The following GPHN variants were observed in gnomAD, a reference collection of about 807,000 sequenced individuals.
GPHN encodes gephyrin.
In GPHN, 17 loss-of-function variants were observed where a neutral mutation model predicts 95.5. That is an observed-to-expected ratio of 0.18 (90% confidence interval 0.12 to 0.27). The LOEUF is 0.27. Ranked by LOEUF, GPHN falls within the 10% of genes least tolerant of loss-of-function variation. The pLI, the probability that GPHN is intolerant of heterozygous loss-of-function variation, is 1.00. For synonymous variants in GPHN, 320 were observed against 322.5 expected (o/e 0.99, Z 0.08); for missense variants, 660 against 978.1 (o/e 0.67, Z 4.34).
At chr14:66,746,579 C>T (rs888716164) in intron 2 of GPHN, among the ~76,000 whole-genome samples, 13 of 150,184 alleles carry the variant, frequency 8.7e-5, no homozygotes, top group African/African-American at 3.0e-4. Context: ...ATGGGCAGAT[C>T]CAGGGTGAGT....
At chr14:66,711,590 T>C (rs1024611522) in intron 2 of GPHN, among the ~76,000 whole-genome samples, 4 of 148,590 alleles carry the variant, frequency 2.7e-5, no homozygotes, top group African/African-American at 1.0e-4. Flanking sequence ...GGTAGTTCTT[T>C]TTTTTTTTTT....
chr14:67,424,233 ACT>A, the GPHN span, among the ~76,000 whole-genome samples: 2 of 151,628 alleles, frequency 1.3e-5, no homozygotes, highest in African/African-American at 4.9e-5. Flanking sequence ...AGAGCAAAAA[ACT>A]CTGTCTCAAA....
chr14:67,632,706 T>C, the GPHN span, among the ~76,000 whole-genome samples: 4 of 151,784 alleles, frequency 2.6e-5, no homozygotes, highest in East Asian at 1.9e-4. Flanking sequence ...TTAGTCATTA[T>C]GAAGATTCAC....
chr14:67,161,516 T>G (rs1484787495), intron 19 of GPHN, among the ~76,000 whole-genome samples: 1 of 152,002 alleles, frequency 6.6e-6, no homozygotes, highest in Non-Finnish European at 1.5e-5. Flanking sequence ...AATCCCAGCA[T>G]TTTGGGAGGC....
chr14:67,342,723 A>G, the GPHN span, among the ~76,000 whole-genome samples: 1 of 150,832 alleles, frequency 6.6e-6, no homozygotes, highest in African/African-American at 2.4e-5. Context: ...TAGTTAATAT[A>G]TCATATTATA....
chr14:67,435,881 A>G, the GPHN span, among the ~76,000 whole-genome samples: 3 of 152,206 alleles, frequency 2.0e-5, no homozygotes, highest in African/African-American at 7.2e-5. Context: ...TTCACTGACC[A>G]CACATTTTTG....
chr14:67,164,584 C>G lies in GPHN; in HGVS notation c.1911-578C>G, dbSNP rs952099848. On this transcript the variant is annotated intron_variant, in intron 19 of 22. Coordinates refer to ENST00000478722, the MANE Select transcript of GPHN (RefSeq NM_020806.5). Reference sequence around the variant, plus strand: ...TCAGCTCACTGCAACCTCTGCCTCCCAGGTTCAAGCGATTCTCCTGCCTCA... The same window carrying G: ...TCAGCTCACTGCAACCTCTGCCTCCGAGGTTCAAGCGATTCTCCTGCCTCA... 2.6e-5 allele frequency among the ~76,000 whole-genome samples: 4 copies of G among 151,932 alleles called. No homozygotes were observed. In the East Asian group the frequency reaches 7.8e-4, roughly 30 times the overall value.
chr14:66,834,898 G>C (rs2061731565), intron 4 of GPHN, among the ~76,000 whole-genome samples: 1 of 141,474 alleles, frequency 7.1e-6, no homozygotes, highest in Admixed American at 7.1e-5. Flanking sequence ...ACTCTTTTTG[G>C]TTGGTAAGCT....
At chr14:66,923,021 C>G (rs1006725621) in intron 7 of GPHN, 83 bp downstream of exon 7, 6 of 1,170,504 alleles carry the variant, frequency 5.1e-6, no homozygotes, top group Non-Finnish European at 7.6e-6. Context: ...TCGCATCCCT[C>G]CCTACATTTA....
chr14:67,651,158 G>C, the GPHN span: 1 of 963,710 alleles, frequency 1.0e-6, no homozygotes, highest in Non-Finnish European at 1.5e-6. Context: ...ATTTAAAGAA[G>C]TCATAAACAG....
chr14:67,729,326 G>C, the GPHN span: 25 of 1,599,554 alleles, frequency 1.6e-5, no homozygotes, highest in Non-Finnish European at 1.9e-5. Context: ...GCGCAGACCA[G>C]CCTGCACTGC....
rs750809889 is a variant in GPHN at position 67,122,268 on chromosome 14, G to C, written c.1639G>C (p.Glu547Gln). The change falls in exon 17 of 23, where the codon GAA becomes CAA. Residue 547 changes from glutamate (E) to glutamine (Q), a missense_variant. Coordinates refer to ENST00000478722, the MANE Select transcript of GPHN (RefSeq NM_020806.5). ...MSTGNELLNP[E>Q]DDLLPGKIRD... ...TTTGGCTTTGTAGCTGCTAAATCCT[G>C]AAGATGACCTCTTACCAGGGAAGAT... 6.2e-7 allele frequency: 1 copy of C among 1,613,504 alleles called. No individual in the cohort carries two copies. Among genetic ancestry groups the C allele is most frequent in the Non-Finnish European group, 8.5e-7 (1 of 1,179,562 alleles).
chr14:67,629,979 T>C, the GPHN span, among the ~76,000 whole-genome samples: 2 of 152,200 alleles, frequency 1.3e-5, no homozygotes, highest in Admixed American at 1.3e-4. Context: ...CCTAAATGCA[T>C]GATCTTCACC....
chr14:67,236,712 A>C, the GPHN span, among the ~76,000 whole-genome samples: 3 of 152,204 alleles, frequency 2.0e-5, no homozygotes, highest in African/African-American at 7.2e-5. Flanking sequence ...AAAACATCTA[A>C]ATAAGAATAA....
At chr14:66,896,011 G>C (rs981217622) in intron 5 of GPHN, among the ~76,000 whole-genome samples, 2 of 152,064 alleles carry the variant, frequency 1.3e-5, no homozygotes, top group African/African-American at 4.8e-5. Context: ...TCAGCGTCTG[G>C]TGAATGCTTC....
chr14:67,347,402 C>T, the GPHN span: 6 of 1,598,784 alleles, frequency 3.8e-6, no homozygotes, highest in Non-Finnish European at 5.1e-6. Context: ...AAAAGTTTCA[C>T]ACTTACTGTC....
chr14:67,601,493 AG>A, the GPHN span, among the ~76,000 whole-genome samples: 2 of 152,200 alleles, frequency 1.3e-5, no homozygotes, highest in Admixed American at 6.5e-5. Context: ...ATTAAGCAGG[AG>A]CGGGAGATGC....
chr14:67,232,952 G>T, the GPHN span, among the ~76,000 whole-genome samples: 1 of 152,016 alleles, frequency 6.6e-6, no homozygotes, highest in African/African-American at 2.4e-5. Context: ...GATTTACACA[G>T]CTACAAATTT....
At chr14:67,334,258 A>T in the GPHN span, 1 of 152,604 alleles carries the variant, frequency 6.6e-6, no homozygotes, top group Non-Finnish European at 1.5e-5. Flanking sequence ...AGCTAATAGG[A>T]TTTTCGTACT....
Sources: allele counts gnomAD v4.1 joint callset (sites outside exome capture counted in the v4.1 genomes callset), GRCh38; gene constraint gnomAD v4.1.1; transcripts MANE v1.5; gene names NCBI Gene and HGNC (gene_info 2026-07-23, HGNC 2026-07-21).